SLC26A9: variants seen among roughly 807,000 people sequenced by gnomAD.
SLC26A9 encodes anion transporter/exchanger protein 9.
Under a neutral mutation model 87.1 loss-of-function variants are expected in SLC26A9, and 46 were observed. That is an observed-to-expected ratio of 0.53 (90% CI 0.42 to 0.67). The LOEUF is 0.67. Among genes scored for constraint, SLC26A9 ranks in the 30% least tolerant of loss-of-function variants. SLC26A9 has a pLI of 0.00. For missense variants in SLC26A9, 927 were observed against 1,018.3 expected (o/e 0.91, Z 1.22); for synonymous variants, 437 against 409.1 (o/e 1.07, Z -0.82).
intron 6 of SLC26A9, 93 bp downstream of exon 6, chr1:205,929,799 A>G: frequency 7.0e-7 from 1 of 1,425,966 alleles, no homozygotes; most frequent in Non-Finnish European, 9.3e-7. Flanking sequence ...CAGCCCTTGC[A>G]ATGAGGAGCT....
intron 2 of SLC26A9, 37 bp from the exon 3 acceptor site, chr1:205,933,121 C>T: frequency 6.2e-7 from 1 of 1,613,630 alleles, no homozygotes; most frequent in Non-Finnish European, 8.5e-7. Context: ...GTCGGCTCTG[C>T]ATGGCTTGGA....
In SLC26A9 at chr1:205,924,503, G is replaced by T; in HGVS notation, c.1390-14C>A. The T allele has an allele frequency of 6.2e-7, 1 of 1,613,090 alleles. No homozygotes were observed. Among genetic ancestry groups the T allele is most frequent in the Non-Finnish European group, 8.5e-7 (1 of 1,179,300 alleles). ...TACCCAGATGCACTGTGAAAAGAGA[G>T]ATGTCAAAAGCAGACCTGGGGAAAA... is the stretch of plus-strand genomic sequence containing the variant. On this transcript the variant is annotated splice_polypyrimidine_tract_variant and intron_variant, in intron 12 of 20. Transcript: ENST00000367135.
At chr1:205,928,079 C>A in intron 8 of SLC26A9, 30 bp from the exon 9 acceptor site, 1 of 1,607,286 alleles carries the variant, frequency 6.2e-7, no homozygotes. Context: ...GAGGCAGAAC[C>A]CAAGGGTGTG....
At chr1:205,921,499 A>G in intron 17 of SLC26A9, 67 bp downstream of exon 17, 1 of 1,525,618 alleles carries the variant, frequency 6.6e-7, no homozygotes, top group Non-Finnish European at 8.8e-7. Flanking sequence ...GCTCCCAGGA[A>G]AGGGAATGTG....
At chr1:205,942,572 T>C (rs1361014097) in intron 1 of SLC26A9, among the ~76,000 whole-genome samples, 1 of 152,164 alleles carries the variant, frequency 6.6e-6, no homozygotes, top group African/African-American at 2.4e-5. Flanking sequence ...TTTTGAGGAA[T>C]GGGGGCACTG....
intron 1 of SLC26A9, among the ~76,000 whole-genome samples, chr1:205,938,933 C>G (rs1030503933): frequency 6.6e-6 from 1 of 152,208 alleles, no homozygotes; most frequent in Non-Finnish European, 1.5e-5. Flanking sequence ...ACCAGCTCTG[C>G]CCCTCTGGGC....
At chr1:205,918,425 A>G (rs1558118652) in intron 19 of SLC26A9, among the ~76,000 whole-genome samples, 2 of 152,190 alleles carry the variant, frequency 1.3e-5, no homozygotes, top group African/African-American at 4.8e-5. Flanking sequence ...GTAAGTTAAA[A>G]TGGGTAGGCT....
Position 205,923,380 on chromosome 1 carries a change from G to A in SLC26A9, c.1614C>T (p.Leu538=). The A allele has an allele frequency of 6.2e-7, 1 of 1,614,234 alleles. No homozygotes were observed. The highest frequency in any genetic ancestry group is 8.5e-7 in the Non-Finnish European group (1 of 1,180,044). ...TGAAGATCTCTGAGTTGGCAAAGTA[G>A]AGAGGGGAGCAGTACGTGATGATTT... ...GIKIITYCSP[L]YFANSEIFRQ... Residue 538 remains leucine (L), a synonymous_variant, in exon 15 of 21, where the codon CTC becomes CTT. Transcript: ENST00000367135.
At chr1:205,918,819 C>T (rs1658701654) in intron 19 of SLC26A9, 21 bp downstream of exon 19, 3 of 1,603,318 alleles carry the variant, frequency 1.9e-6, no homozygotes, top group Non-Finnish European at 2.6e-6. Context: ...GCCTAGGATT[C>T]CCCAGGTGCA....
intron 2 of SLC26A9, among the ~76,000 whole-genome samples, chr1:205,934,732 C>A (rs1659440344): frequency 6.6e-6 from 1 of 152,228 alleles, no homozygotes; most frequent in Admixed American, 6.5e-5. Context: ...TTCTCATCCT[C>A]AGACTTTGTG....
intron 5 of SLC26A9, 120 bp from the exon 6 acceptor site, chr1:205,930,176 G>C: frequency 8.9e-7 from 1 of 1,125,754 alleles, no homozygotes. Flanking sequence ...GCAGTAGCTT[G>C]AGGGAATTGG....
At chr1:205,939,252 T>C (rs1659641143) in intron 1 of SLC26A9, among the ~76,000 whole-genome samples, 1 of 152,224 alleles carries the variant, frequency 6.6e-6, no homozygotes, top group Non-Finnish European at 1.5e-5. Context: ...TTAACTCCAG[T>C]GTTCCTATTC....
chr1:205,940,653 C>T lies in SLC26A9; in HGVS notation c.-19+2712G>A, dbSNP rs149513713. On this transcript the variant is annotated intron_variant, in intron 1 of 20. Coordinates refer to ENST00000367135, the MANE Select transcript of SLC26A9 (RefSeq NM_052934.4). Reference sequence around the variant, plus strand: ...CATGCCTTAACCCCTCCAAATTTTCCCAGGACTTGATGAGAGGAACAGCAG... The same window carrying T: ...CATGCCTTAACCCCTCCAAATTTTCTCAGGACTTGATGAGAGGAACAGCAG... Among the ~76,000 whole-genome samples, 1,235 of 152,274 alleles carry T rather than the reference C, an allele frequency of 8.1e-3. 21 individuals carry two copies. The highest frequency in any genetic ancestry group is 0.028 in the African/African-American group (1,158 of 41,528).
At chr1:205,942,096 T>C (rs375207277) in intron 1 of SLC26A9, among the ~76,000 whole-genome samples, 12 of 152,292 alleles carry the variant, frequency 7.9e-5, no homozygotes, top group African/African-American at 2.9e-4. Context: ...AGTCTGGCTG[T>C]TTAGTACGGT....
chr1:205,921,442 T>C lies in SLC26A9; in HGVS notation c.2055+124A>G, dbSNP rs144506969. ...GGGGAAAGGAGGGATTCCTAGGAGC[T>C]GTTAGTCTCCCCAGTGAGCTTCCTC... On this transcript the variant is annotated intron_variant, in intron 17 of 20. Transcript: ENST00000367135. 2.7e-3 allele frequency: 3,348 copies of C among 1,235,980 alleles called. 5 individuals are homozygous for C. The highest frequency in any genetic ancestry group is 3.5e-3 in the Non-Finnish European group (3,146 of 904,436). 76.6% of individuals were successfully genotyped at this position (1,235,980 alleles called of 1,614,324 possible).
Position 205,923,141 on chromosome 1 carries a change from G to C in SLC26A9, c.1714C>G (p.Gln572Glu). 6.2e-7 allele frequency: 1 copy of C among 1,614,146 alleles called. No individual in the cohort carries two copies. The highest frequency in any genetic ancestry group is 8.5e-7 in the Non-Finnish European group (1 of 1,180,028). Residue 572 changes from glutamine to glutamate, a missense_variant, in exon 16 of 21, where the codon CAG becomes GAG. Gln to Glu is a conservative substitution (Grantham distance 29, BLOSUM62 2). Transcript: ENST00000367135. ...GTGGGCCTCATTCTCCGCTTCTCCT[G>C]CTTCTTGAGGTATTTTTGCTTGGCT... ...LLAKQKYLKK[Q>E]EKRRMRPTQQ...
Position 205,932,799 on chromosome 1 carries a change from A to T in SLC26A9, c.279T>A (p.Ala93=). Residue 93 remains alanine, a synonymous_variant, in exon 4 of 21, where the codon GCT becomes GCA. Coordinates refer to ENST00000367135, the MANE Select transcript of SLC26A9 (RefSeq NM_052934.4). ...TGACTGCAGGAAGGTTGGCCAGCAG[A>T]GCAAATGCCATGCCTGCAGAGGACA... ...SIQVPQGMAF[A]LLANLPAVNG... The T allele has an allele frequency of 6.3e-7, 1 of 1,596,534 alleles. No individual in the cohort carries two copies. The highest frequency in any genetic ancestry group is 1.3e-5 in the African/African-American group (1 of 74,714).
At chr1:205,934,003 AAAT>A (rs1659412733) in intron 2 of SLC26A9, among the ~76,000 whole-genome samples, 1 of 152,192 alleles carries the variant, frequency 6.6e-6, no homozygotes, top group Non-Finnish European at 1.5e-5. Flanking sequence ...GAGGGAACTC[AAAT>A]ACTTAGGGCC....
chr1:205,921,963 A>T, intron 16 of SLC26A9, 116 bp from the exon 17 acceptor site: 1 of 1,313,812 alleles, frequency 7.6e-7, no homozygotes. Flanking sequence ...CGCCTCGGTG[A>T]TGGTGAACAC....
Sources: allele counts gnomAD v4.1 joint callset (sites outside exome capture counted in the v4.1 genomes callset), GRCh38; gene constraint gnomAD v4.1.1; transcripts MANE v1.5; gene names NCBI Gene and HGNC (gene_info 2026-07-23, HGNC 2026-07-21).